GRID2: variants seen among roughly 807,000 people sequenced by gnomAD.
GRID2 encodes the protein glutamate receptor ionotropic, delta-2.
Under a neutral mutation model 114.8 loss-of-function variants are expected in GRID2, and 33 were observed. That is an observed-to-expected ratio of 0.29 (90% CI 0.22 to 0.38). GRID2 has a LOEUF of 0.38. Ranked by LOEUF, GRID2 falls within the 10% of genes least tolerant of loss-of-function variation. The probability of loss-of-function intolerance (pLI) is 1.00; values close to 1 mark genes in which losing one functional copy is unlikely to be tolerated. For synonymous variants in GRID2, 505 were observed against 449.9 expected (o/e 1.12, Z -1.55); for missense variants, 1,184 against 1,257.7 (o/e 0.94, Z 0.89).
chr4:92,592,093 ATT>A (rs1728730585), intron 2 of GRID2, among the ~76,000 whole-genome samples: 1 of 152,060 alleles, frequency 6.6e-6, no homozygotes, highest in Non-Finnish European at 1.5e-5. Context: ...ATAACATAGA[ATT>A]TGAAGATACC....
intron 8 of GRID2, among the ~76,000 whole-genome samples, chr4:93,248,671 A>C (rs1748472875): frequency 6.6e-6 from 1 of 152,092 alleles, no homozygotes; most frequent in South Asian, 2.1e-4. Flanking sequence ...TTTAAATTTG[A>C]ATAGTTTTGA....
intron 3 of GRID2, among the ~76,000 whole-genome samples, chr4:93,103,857 G>A (rs1449997737): frequency 7.0e-6 from 1 of 143,078 alleles, no homozygotes; most frequent in African/African-American, 2.6e-5. Flanking sequence ...TTTTTTGTTT[G>A]TTTTTTTCCT....
intron 8 of GRID2, among the ~76,000 whole-genome samples, chr4:93,314,303 C>CAAAAAAAAAAA (rs56977080): frequency 3.7e-5 from 2 of 54,146 alleles, no homozygotes; most frequent in Non-Finnish European, 6.8e-5. Context: ...GAGTCTGTCT[C>CAAAAAAAAAAA]AAAAAAAAAA....
At chr4:92,539,560 T>C (rs977109420) in intron 1 of GRID2, among the ~76,000 whole-genome samples, 2 of 152,194 alleles carry the variant, frequency 1.3e-5, no homozygotes, top group Admixed American at 6.5e-5. Context: ...CATTTCTCTA[T>C]TGGATTATTT....
At chr4:93,209,390 G>A (rs1014047690) in intron 5 of GRID2, among the ~76,000 whole-genome samples, 8 of 151,988 alleles carry the variant, frequency 5.3e-5, no homozygotes, top group African/African-American at 1.9e-4. Flanking sequence ...GAGGAAAATG[G>A]CTTCCAGCTC....
intron 14 of GRID2, among the ~76,000 whole-genome samples, chr4:93,699,823 A>G (rs1329603629): frequency 1.3e-5 from 2 of 152,154 alleles, no homozygotes; most frequent in Non-Finnish European, 2.9e-5. Flanking sequence ...TGATATTCCA[A>G]CTTTCTCTGT....
chr4:93,103,840 G>GTTTTTTTTTTTTTT (rs35621225), intron 3 of GRID2, among the ~76,000 whole-genome samples: 1 of 142,452 alleles, frequency 7.0e-6, no homozygotes, highest in Admixed American at 7.0e-5. Flanking sequence ...AAAATCCCTT[G>GTTTTTTTTTTTTTT]TTTTTTTTTT....
chr4:93,738,234 AGGTAAGAT>A (rs1275278705), intron 14 of GRID2, among the ~76,000 whole-genome samples: 1 of 152,146 alleles, frequency 6.6e-6, no homozygotes, highest in African/African-American at 2.4e-5. Flanking sequence ...AGTAGGAAAG[AGGTAAGAT>A]GGTACAAATT....
chr4:92,437,358 C>A (rs1323414420), intron 1 of GRID2, among the ~76,000 whole-genome samples: 2 of 152,218 alleles, frequency 1.3e-5, no homozygotes, highest in Non-Finnish European at 2.9e-5. Context: ...TGGCTCATTG[C>A]AACCTCCCCC....
intron 1 of GRID2, among the ~76,000 whole-genome samples, chr4:93,801,230 A>C (rs1408673710): frequency 6.6e-6 from 1 of 152,116 alleles, no homozygotes. Context: ...ATTTCTAGTT[A>C]AGTTTCCCTT....
chr4:92,881,148 C>T (rs1369384497), intron 2 of GRID2, among the ~76,000 whole-genome samples: 1 of 152,166 alleles, frequency 6.6e-6, no homozygotes. Flanking sequence ...GGTGATCCGC[C>T]CACATCGGCC....
intron 1 of GRID2, among the ~76,000 whole-genome samples, chr4:92,467,352 T>C (rs781082717): frequency 1.3e-4 from 20 of 152,094 alleles, no homozygotes; most frequent in Admixed American, 3.9e-4. Context: ...GTTATAATTT[T>C]CAGAGGCTTA....
chr4:92,923,440 A>G (rs1749528125), intron 2 of GRID2, among the ~76,000 whole-genome samples: 1 of 152,212 alleles, frequency 6.6e-6, no homozygotes, highest in East Asian at 1.9e-4. Context: ...AACAATTAAC[A>G]TCAGATTTTT....
chr4:93,062,327 T>C (rs996082395), intron 2 of GRID2, among the ~76,000 whole-genome samples: 4 of 152,076 alleles, frequency 2.6e-5, no homozygotes, highest in Non-Finnish European at 5.9e-5. Flanking sequence ...AATTTCAAAA[T>C]AAGATGGAGA....
intron 14 of GRID2, among the ~76,000 whole-genome samples, chr4:93,748,539 G>T (rs1009469002): frequency 2.6e-5 from 4 of 152,134 alleles, no homozygotes; most frequent in African/African-American, 9.7e-5. Flanking sequence ...TTGAACAGGC[G>T]TCTAGAGCTA....
At chr4:92,737,236 G>A (rs1579942455) in intron 2 of GRID2, among the ~76,000 whole-genome samples, 1 of 152,026 alleles carries the variant, frequency 6.6e-6, no homozygotes, top group African/African-American at 2.4e-5. Flanking sequence ...ATAATTCAAT[G>A]TCTTAGGTAA....
At chr4:93,472,912 C>A (rs1467121053) in intron 11 of GRID2, among the ~76,000 whole-genome samples, 1 of 152,064 alleles carries the variant, frequency 6.6e-6, no homozygotes, top group East Asian at 1.9e-4. Flanking sequence ...ACTACCACAA[C>A]AAAAACAGAA....
At chr4:93,171,071 A>G (rs1371425128) in intron 4 of GRID2, among the ~76,000 whole-genome samples, 3 of 152,124 alleles carry the variant, frequency 2.0e-5, no homozygotes, top group Non-Finnish European at 4.4e-5. Context: ...AAAAATTTAG[A>G]TCATGTCACT....
At chr4:92,842,175 G>T (rs1403944540) in intron 2 of GRID2, among the ~76,000 whole-genome samples, 1 of 152,098 alleles carries the variant, frequency 6.6e-6, no homozygotes, top group African/African-American at 2.4e-5. Context: ...TAAACAGCAT[G>T]CATTAGGGTT....
Sources: allele counts gnomAD v4.1 joint callset (sites outside exome capture counted in the v4.1 genomes callset), GRCh38; gene constraint gnomAD v4.1.1; transcripts MANE v1.5; gene names NCBI Gene and HGNC (gene_info 2026-07-23, HGNC 2026-07-21).